HDAC8: variants seen among roughly 807,000 people sequenced by gnomAD.
HDAC8 encodes the protein histone deacetylase-like 1.
Under a neutral mutation model 32.2 loss-of-function variants are expected in HDAC8, and 1 was observed. That is an observed-to-expected ratio of 0.03 (90% CI 0.01 to 0.15). The LOEUF is 0.15. HDAC8 is among the 10% of genes least tolerant of loss of function. The pLI is 1.00. For synonymous variants in HDAC8, 108 were observed against 113.9 expected (o/e 0.95, Z 0.33); for missense variants, 117 against 300.0 (o/e 0.39, Z 4.51).
At chrX:72,351,652 G>C in intron 10 of HDAC8, 81 bp downstream of exon 10, 1 of 626,986 alleles carries the variant, frequency 1.6e-6, no homozygotes, top group Admixed American at 3.0e-5. Context: ...AAAGGCAAAT[G>C]GTATTTAAGG....
chrX:72,485,948 C>T (rs1385445225), intron 7 of HDAC8, among the ~76,000 whole-genome samples: 6 of 110,055 alleles, frequency 5.5e-5, no homozygotes, highest in South Asian at 4.0e-4. Flanking sequence ...GGTGAAACCC[C>T]GTCTCTACTA....
chrX:72,407,786 C>A (rs1050847809), intron 9 of HDAC8, among the ~76,000 whole-genome samples: 7 of 112,126 alleles, frequency 6.2e-5, no homozygotes, highest in Non-Finnish European at 1.3e-4. Context: ...CCTTGAGCTA[C>A]GAAGTTTGTG....
At chrX:72,468,932 C>T (rs144746961) in intron 7 of HDAC8, among the ~76,000 whole-genome samples, 1,606 of 111,548 alleles carry the variant, frequency 0.014, 26 homozygotes, top group African/African-American at 0.049. Flanking sequence ...AACTCTCTAA[C>T]ATCAGAGTTC....
chrX:72,360,605 C>T (rs1210555047), intron 9 of HDAC8, among the ~76,000 whole-genome samples: 1 of 111,429 alleles, frequency 9.0e-6, no homozygotes, highest in African/African-American at 3.3e-5. Flanking sequence ...ATTTCTTGTC[C>T]TGAATCACTG....
chrX:72,351,240 C>CA (rs1218505602), intron 10 of HDAC8: 2 of 199,229 alleles, frequency 1.0e-5, no homozygotes, highest in African/African-American at 6.3e-5. Context: ...TTTGGGACCA[C>CA]AGGCATATGC....
At chrX:72,396,221 T>C (rs1195825893) in intron 9 of HDAC8, among the ~76,000 whole-genome samples, 1 of 112,732 alleles carries the variant, frequency 8.9e-6, no homozygotes, top group Non-Finnish European at 1.9e-5. Context: ...CTGTTGGTTT[T>C]TCCCCTGGCT....
At chrX:72,556,892 CG>C (rs1260625340) in intron 4 of HDAC8, among the ~76,000 whole-genome samples, 1 of 112,013 alleles carries the variant, frequency 8.9e-6, no homozygotes, top group Non-Finnish European at 1.9e-5. Context: ...ACTATACTCT[CG>C]AACAAATGGA....
intron 5 of HDAC8, 143 bp downstream of exon 5, chrX:72,495,013 G>T: frequency 2.4e-6 from 1 of 418,239 alleles, no homozygotes; most frequent in Non-Finnish European, 4.1e-6. Flanking sequence ...TCAATTAGAG[G>T]AATCACTACA....
At chrX:72,360,181 C>A (rs1313865163) in intron 9 of HDAC8, among the ~76,000 whole-genome samples, 1 of 109,461 alleles carries the variant, frequency 9.1e-6, no homozygotes, top group Non-Finnish European at 1.9e-5. Flanking sequence ...GTGGTGAAAC[C>A]CTGTCTCTAC....
At chrX:72,524,131 G>C (rs1273196311) in intron 4 of HDAC8, among the ~76,000 whole-genome samples, 1 of 112,453 alleles carries the variant, frequency 8.9e-6, no homozygotes, top group Non-Finnish European at 1.9e-5. Flanking sequence ...GGCCTGTGAA[G>C]TCTAAAATAC....
chrX:72,470,371 G>T (rs185617956), intron 7 of HDAC8, among the ~76,000 whole-genome samples: 245 of 111,021 alleles, frequency 2.2e-3, no homozygotes, highest in Admixed American at 4.3e-3. Context: ...TGTAATGAGT[G>T]CCTTTACCTC....
chrX:72,537,056 C>T (rs1357125306), intron 4 of HDAC8, among the ~76,000 whole-genome samples: 2 of 111,718 alleles, frequency 1.8e-5, no homozygotes, highest in Non-Finnish European at 3.8e-5. Context: ...AGCTGGCTGG[C>T]CAAGGGAAAT....
At chrX:72,433,032 T>C (rs2046860397) in intron 9 of HDAC8, among the ~76,000 whole-genome samples, 1 of 111,975 alleles carries the variant, frequency 8.9e-6, no homozygotes. Context: ...TTGAGCAGTT[T>C]TGTAGGAGAC....
intron 9 of HDAC8, among the ~76,000 whole-genome samples, chrX:72,393,865 C>G (rs782144378): frequency 1.8e-5 from 2 of 111,765 alleles, no homozygotes; most frequent in Non-Finnish European, 3.8e-5. Flanking sequence ...AATTTCATCA[C>G]AAATTTCGAG....
At chrX:72,351,507 C>G (rs1464622587) in intron 10 of HDAC8, among the ~76,000 whole-genome samples, 6 of 112,371 alleles carry the variant, frequency 5.3e-5, no homozygotes, top group Non-Finnish European at 1.1e-4. Context: ...AAAGCTGAAC[C>G]CTTTGTCCTT....
intron 10 of HDAC8, among the ~76,000 whole-genome samples, chrX:72,342,890 G>C (rs3012664): frequency 0.012 from 1,381 of 110,753 alleles, 16 homozygotes; most frequent in African/African-American, 0.043. Flanking sequence ...ATTAAATGGG[G>C]CTAATAATAT....
At chrX:72,339,523 C>A (rs1331690119) in intron 10 of HDAC8, among the ~76,000 whole-genome samples, 1 of 112,168 alleles carries the variant, frequency 8.9e-6, no homozygotes, top group Non-Finnish European at 1.9e-5. Flanking sequence ...ATGTTCCAGG[C>A]AGCAGGAACA....
chrX:72,388,502 G>T (rs1194752330), intron 9 of HDAC8, among the ~76,000 whole-genome samples: 6 of 108,538 alleles, frequency 5.5e-5, no homozygotes, highest in Non-Finnish European at 9.5e-5. Context: ...AATGGATCTG[G>T]AATCTAGAGG....
chrX:72,378,914 A>G (rs1253000110), intron 9 of HDAC8, among the ~76,000 whole-genome samples: 1 of 108,790 alleles, frequency 9.2e-6, no homozygotes, highest in African/African-American at 3.4e-5. Flanking sequence ...CTGGAGTGCA[A>G]TGGTGCAATA....
Sources: gnomAD v4.1 joint callset for allele counts (sites outside exome capture counted in the v4.1 genomes callset) on GRCh38, gnomAD v4.1.1 for gene constraint, MANE v1.5 for transcripts, NCBI Gene and HGNC (gene_info 2026-07-23, HGNC 2026-07-21) for gene names.